Variants in CHRNA7 observed in about 807,000 individuals in gnomAD.
The protein encoded by CHRNA7 is cholinergic receptor nicotinic alpha 7 subunit.
A neutral mutation model predicts 48.0 loss-of-function variants in CHRNA7; 17 were observed. The observed-to-expected ratio is 0.35, with a 90% confidence interval of 0.24 to 0.53. CHRNA7 has a LOEUF of 0.53. CHRNA7 is among the 20% of genes least tolerant of loss of function. The pLI is 0.92. For missense variants in CHRNA7, 155 were observed against 577.7 expected (o/e 0.27, Z 7.50); for synonymous variants, 75 against 242.3 (o/e 0.31, Z 6.41).
intron 4 of CHRNA7, among the ~76,000 whole-genome samples, chr15:32,114,019 A>AAT (rs57220454): frequency 0.081 from 8,801 of 108,886 alleles, 356 homozygotes; most frequent in Middle Eastern, 0.095. Flanking sequence ...GCTATCTCCA[A>AAT]ATATATATAT....
intron 2 of CHRNA7, among the ~76,000 whole-genome samples, chr15:32,089,360 T>C (rs907601463): frequency 6.6e-6 from 1 of 152,210 alleles, no homozygotes; most frequent in Admixed American, 6.5e-5. Context: ...TGACACATTA[T>C]CCAGCTCACT....
chr15:32,100,279 C>T (rs2050548304), intron 2 of CHRNA7: 1 of 152,062 alleles, frequency 6.6e-6, no homozygotes, highest in African/African-American at 2.4e-5. Context: ...CTGGGAACAT[C>T]TTCACAGGGG....
chr15:32,030,552 G>A lies in CHRNA7; in HGVS notation c.-43G>A, dbSNP rs1052311945. On this transcript the variant is annotated 5_prime_UTR_variant, in exon 1 of 10. Coordinates refer to ENST00000306901, the MANE Select transcript of CHRNA7 (RefSeq NM_000746.6). Reference sequence around the variant, plus strand: ...GCAGGCGCAGGCCCGGGCGACAGCCGAGACGTGGAGCGCGCCGGCTCGCTG... The same window carrying A: ...GCAGGCGCAGGCCCGGGCGACAGCCAAGACGTGGAGCGCGCCGGCTCGCTG... The A allele has an allele frequency of 3.5e-6, 5 of 1,445,344 alleles. No homozygotes were observed. The highest frequency in any genetic ancestry group is 1.5e-5 in the African/African-American group (1 of 67,508). 89.5% of individuals were successfully genotyped at this position (1,445,344 alleles called of 1,614,324 possible). A position where few individuals can be genotyped will look rare whatever the true frequency, so the allele number is the denominator to read the frequency against.
chr15:32,168,765 GGCTCCTC>G lies in CHRNA7; in HGVS notation c.*308_*314del. ...GAAAGCCCTTCGGAGAGCTCCCCAT[GGCTCCTC>G]ACCACCGAGACAGTTGGTTTTGCAT... On this transcript the variant is annotated 3_prime_UTR_variant, in exon 10 of 10. Coordinates refer to ENST00000306901, the MANE Select transcript of CHRNA7 (RefSeq NM_000746.6). 2.4e-5 allele frequency: 1 copy of G among 42,286 alleles called. No individual in the cohort carries two copies. Among genetic ancestry groups the G allele is most frequent in the Non-Finnish European group, 4.3e-5 (1 of 23,430 alleles). The allele number at this position is 42,286 out of a possible 1,614,324, so 2.6% of individuals were successfully genotyped here.
At chr15:32,053,444 C>G (rs1200034915) in intron 2 of CHRNA7, among the ~76,000 whole-genome samples, 3 of 152,192 alleles carry the variant, frequency 2.0e-5, no homozygotes, top group African/African-American at 7.2e-5. Context: ...AGTTCCCATG[C>G]TCTTAATTTC....
intron 2 of CHRNA7, among the ~76,000 whole-genome samples, chr15:32,075,267 T>G (rs2141224447): frequency 6.6e-6 from 1 of 152,300 alleles, no homozygotes; most frequent in South Asian, 2.1e-4. Flanking sequence ...GTGGAAGCAA[T>G]GGTGTAGAAT....
intron 2 of CHRNA7, among the ~76,000 whole-genome samples, chr15:32,057,010 C>G (rs2049798571): frequency 6.6e-6 from 1 of 152,184 alleles, no homozygotes; most frequent in African/African-American, 2.4e-5. Context: ...AGGCTGAACA[C>G]AGAAGCAAAT....
intron 2 of CHRNA7, among the ~76,000 whole-genome samples, chr15:32,068,184 C>T (rs536332407): frequency 1.6e-4 from 24 of 152,188 alleles, no homozygotes; most frequent in Non-Finnish European, 3.4e-4. Flanking sequence ...TGGTGACTCA[C>T]ACCTGTAGTC....
At chr15:32,055,050 G>A (rs539833669) in intron 2 of CHRNA7, among the ~76,000 whole-genome samples, 3 of 152,264 alleles carry the variant, frequency 2.0e-5, no homozygotes, top group Admixed American at 6.5e-5. Context: ...ACCAACGCTT[G>A]GCATTTTTAG....
intron 4 of CHRNA7, among the ~76,000 whole-genome samples, chr15:32,138,111 CTAAAA>C (rs1214451682): frequency 6.6e-6 from 1 of 151,372 alleles, no homozygotes; most frequent in African/African-American, 2.4e-5. Context: ...AATAAGAAAA[CTAAAA>C]TAGAGATCAA....
intron 2 of CHRNA7, among the ~76,000 whole-genome samples, chr15:32,084,833 CTTTT>C (rs56806689): frequency 1.9e-4 from 26 of 139,278 alleles, no homozygotes; most frequent in Non-Finnish European, 3.0e-4. Flanking sequence ...ACCTCTGACT[CTTTT>C]TTTTTTTTTT....
At chr15:32,116,158 G>A (rs13329159) in intron 4 of CHRNA7, among the ~76,000 whole-genome samples, 16,004 of 152,200 alleles carry the variant, frequency 0.11, 952 homozygotes, top group Middle Eastern at 0.15. Context: ...GGGGTTAAAT[G>A]CATCCTGTGT....
intron 4 of CHRNA7, among the ~76,000 whole-genome samples, chr15:32,146,437 TAATAA>T (rs759924816): frequency 3.6e-4 from 55 of 152,300 alleles, no homozygotes; most frequent in Middle Eastern, 6.8e-3. Flanking sequence ...ACAAGTAAAA[TAATAA>T]AATGTTTATG....
chr15:32,149,749 G>A lies in CHRNA7; in HGVS notation c.351-4158G>A, dbSNP rs2051581660. 6.6e-6 allele frequency among the ~76,000 whole-genome samples: 1 copy of A among 152,086 alleles called. No individual in the cohort carries two copies. Among genetic ancestry groups the A allele is most frequent in the Non-Finnish European group, 1.5e-5 (1 of 68,004 alleles). ...AAATCACTGAGTCACAAATCACTGA[G>A]TCACAGGTAAGCTGTTGCTAATAGC... On this transcript the variant is annotated intron_variant, in intron 4 of 9. Transcript: ENST00000306901. This position sits in a 1 kb window ranked among gnomAD's most constrained non-coding sequence, Gnocchi z 4.6.
intron 2 of CHRNA7, chr15:32,100,888 T>C (rs971090286): frequency 5.5e-6 from 1 of 181,548 alleles, no homozygotes; most frequent in African/African-American, 2.4e-5. Flanking sequence ...ATAACATACT[T>C]GTATTTGTTT....
chr15:32,121,140 G>A (rs1008697683), intron 4 of CHRNA7, among the ~76,000 whole-genome samples: 1 of 152,200 alleles, frequency 6.6e-6, no homozygotes, highest in African/African-American at 2.4e-5. Flanking sequence ...TGTGGGGCCC[G>A]AGCTGGATGT....
chr15:32,048,605 C>T (rs973892147), intron 2 of CHRNA7, among the ~76,000 whole-genome samples: 6 of 151,626 alleles, frequency 4.0e-5, no homozygotes, highest in South Asian at 2.1e-4. Context: ...TTTTGTTGAT[C>T]CTTTCAAAAA....
intron 2 of CHRNA7, among the ~76,000 whole-genome samples, chr15:32,079,478 AAG>A: frequency 6.6e-6 from 1 of 152,338 alleles, no homozygotes; most frequent in East Asian, 1.9e-4. Context: ...ATCAATATGC[AAG>A]AGTCACAAAC....
chr15:32,069,558 G>A (rs142143025), intron 2 of CHRNA7, among the ~76,000 whole-genome samples: 2,965 of 152,196 alleles, frequency 0.019, 90 homozygotes, highest in African/African-American at 0.068. Context: ...GAGGCAGGAG[G>A]ATCACTTGAG....
Sources: allele counts gnomAD v4.1 joint callset (sites outside exome capture counted in the v4.1 genomes callset), GRCh38; gene constraint gnomAD v4.1.1; non-coding constraint Gnocchi (gnomAD v3.1); transcripts MANE v1.5; gene names NCBI Gene and HGNC (gene_info 2026-07-23, HGNC 2026-07-21).